CRIM1: variants seen among roughly 807,000 people sequenced by gnomAD.
The protein encoded by CRIM1 is cysteine rich transmembrane BMP regulator 1.
Under a neutral mutation model 116.4 loss-of-function variants are expected in CRIM1, and 32 were observed. The observed-to-expected ratio is 0.27, with a 90% CI of 0.21 to 0.37. The LOEUF (loss-of-function observed/expected upper bound fraction) is 0.37. CRIM1 is among the 10% of genes least tolerant of loss of function. The pLI, the probability that CRIM1 is intolerant of heterozygous loss-of-function variation, is 1.00. For synonymous variants in CRIM1, 590 were observed against 509.2 expected, an observed-to-expected ratio of 1.16 and a Z score of -2.13; for missense variants, 1,331 against 1,354.8, an observed-to-expected ratio of 0.98 and a Z score of 0.28.
intron 1 of CRIM1, among the ~76,000 whole-genome samples, chr2:36,369,918 G>A (rs1203419320): frequency 2.6e-5 from 4 of 152,154 alleles, no homozygotes; most frequent in Non-Finnish European, 5.9e-5. Flanking sequence ...AGTTGCTGAG[G>A]GCACAACACA....
Position 36,538,081 on chromosome 2 carries a change from C to G in CRIM1, c.2623+535C>G, listed in dbSNP as rs560242339. 7.2e-5 allele frequency among the ~76,000 whole-genome samples: 11 copies of G among 152,332 alleles called. 1 individual carries two copies. The South Asian group carries it at 2.3e-3, about 32-fold the overall frequency. On this transcript the variant is annotated intron_variant, in intron 14 of 16. Transcript: ENST00000280527. ...GCTGAACTGCCCATCTCTTTCCACA[C>G]TTAACGCAACCACTGAGTGTACCCC... is the stretch of plus-strand genomic sequence containing the variant.
At chr2:36,410,128 G>T (rs2148412607) in intron 2 of CRIM1, among the ~76,000 whole-genome samples, 1 of 152,268 alleles carries the variant, frequency 6.6e-6, no homozygotes, top group East Asian at 1.9e-4. Context: ...GAAAAGGGAA[G>T]GAATTAACAT....
At chr2:36,418,811 G>A (rs1232706701) in intron 2 of CRIM1, among the ~76,000 whole-genome samples, 1 of 152,160 alleles carries the variant, frequency 6.6e-6, no homozygotes, top group Non-Finnish European at 1.5e-5. Context: ...CTGTCCTGAG[G>A]TCTCCATGGA....
At chr2:36,416,802 C>G (rs1673654719) in intron 2 of CRIM1, among the ~76,000 whole-genome samples, 1 of 152,208 alleles carries the variant, frequency 6.6e-6, no homozygotes, top group African/African-American at 2.4e-5. Flanking sequence ...CTGACTGGCT[C>G]CAATTCTTCC....
intron 1 of CRIM1, among the ~76,000 whole-genome samples, chr2:36,394,430 T>C (rs573578530): frequency 6.6e-6 from 1 of 152,294 alleles, no homozygotes; most frequent in Non-Finnish European, 1.5e-5. Context: ...CATTTTGTTA[T>C]AACTGAAGAC....
intron 2 of CRIM1, among the ~76,000 whole-genome samples, chr2:36,398,502 CTT>C (rs1333818082): frequency 4.6e-5 from 7 of 152,208 alleles, no homozygotes; most frequent in Admixed American, 4.6e-4. Context: ...TGGAGATTAA[CTT>C]TATTGATTTT....
At chr2:36,548,439 C>T (rs1027396086) in intron 16 of CRIM1, 86 bp from the exon 17 acceptor site, 3 of 966,518 alleles carry the variant, frequency 3.1e-6, no homozygotes, top group Non-Finnish European at 4.6e-6. Flanking sequence ...GTTATCTCAC[C>T]TGAGTTAGGT....
In CRIM1 at chr2:36,477,112, TG is replaced by T. The variant is rs745471399; in HGVS notation, c.1174+43del. ...AATTACAGATTAACAGGAGCATACATGGTATAGAGTTCTAAAATCAAAATCG... is the reference window on the plus strand; with the variant it reads ...AATTACAGATTAACAGGAGCATACATGTATAGAGTTCTAAAATCAAAATCG... On this transcript the variant is annotated intron_variant, in intron 6 of 16. Transcript: ENST00000280527. 5.5e-6 allele frequency: 8 copies of T among 1,442,544 alleles called. No individual in the cohort carries two copies. The East Asian group carries it at 1.9e-4, about 35-fold the overall frequency. 89.4% of individuals were successfully genotyped at this position (1,442,544 alleles called of 1,614,324 possible). A position where few individuals can be genotyped will look rare whatever the true frequency, so the allele number is the denominator to read the frequency against.
At chr2:36,397,285 C>T (rs533618750) in intron 2 of CRIM1, among the ~76,000 whole-genome samples, 34 of 152,180 alleles carry the variant, frequency 2.2e-4, no homozygotes, top group Non-Finnish European at 3.7e-4. Flanking sequence ...TTAGGCTCTT[C>T]ACCTCTGGAG....
chr2:36,494,328 A>C (rs1364890338), intron 7 of CRIM1, among the ~76,000 whole-genome samples: 2 of 152,184 alleles, frequency 1.3e-5, no homozygotes, highest in Non-Finnish European at 2.9e-5. Flanking sequence ...ATTTGTAAAA[A>C]ATACTAACAT....
chr2:36,502,970 C>A (rs1410364150), intron 8 of CRIM1, among the ~76,000 whole-genome samples: 1 of 152,148 alleles, frequency 6.6e-6, no homozygotes, highest in East Asian at 1.9e-4. Context: ...GCTCACTGCC[C>A]CACTGTATAC....
At chr2:36,456,649 G>A (rs539680449) in intron 4 of CRIM1, among the ~76,000 whole-genome samples, 2 of 152,286 alleles carry the variant, frequency 1.3e-5, no homozygotes, top group African/African-American at 4.8e-5. Context: ...GCCAGCTCTC[G>A]ATGTGTGATA....
intron 4 of CRIM1, among the ~76,000 whole-genome samples, chr2:36,457,775 A>G (rs1677258466): frequency 6.6e-6 from 1 of 151,462 alleles, no homozygotes; most frequent in African/African-American, 2.5e-5. Context: ...AAAAACTTAC[A>G]CATTCCTGGA....
At chr2:36,472,680 A>G (rs1254753577) in intron 5 of CRIM1, among the ~76,000 whole-genome samples, 3 of 152,200 alleles carry the variant, frequency 2.0e-5, no homozygotes, top group Non-Finnish European at 4.4e-5. Context: ...GCTGTGGTTG[A>G]TCAACTCAAC....
chr2:36,421,702 G>A (rs775882176), intron 2 of CRIM1, among the ~76,000 whole-genome samples: 5 of 152,162 alleles, frequency 3.3e-5, no homozygotes, highest in Non-Finnish European at 5.9e-5. Flanking sequence ...CCAGAAGATG[G>A]CCTCTTTTCA....
At chr2:36,467,443 C>T (rs1360315261) in intron 5 of CRIM1, among the ~76,000 whole-genome samples, 1 of 152,114 alleles carries the variant, frequency 6.6e-6, no homozygotes, top group East Asian at 1.9e-4. Context: ...AATATACTTA[C>T]CACCTAGTGT....
At position 36,463,949 on chromosome 2, in the gene CRIM1, C is replaced by T. The variant is rs143582772; in HGVS notation, c.870-585C>T. ...ATAAAGAGCTCCTCAGTCTTCAGTC[C>T]GTTTCTTTTATTGTGCACAGTCATA... On this transcript the variant is annotated intron_variant, in intron 4 of 16. Transcript: ENST00000280527. Among the ~76,000 whole-genome samples the T allele has an allele frequency of 5.7e-3, 867 of 152,262 alleles. 6 individuals are homozygous for T. Among genetic ancestry groups the T allele is most frequent in the Non-Finnish European group, 0.01 (691 of 68,028 alleles).
rs374839318 is a variant in CRIM1 at position 36,550,066 on chromosome 2, T to TGTGTGTGTGTGTGTGTGC, written c.*1366_*1367insTGTGTGTGTGTGTGTGCG. On this transcript the variant is annotated 3_prime_UTR_variant, in exon 17 of 17. Transcript: ENST00000280527. Reference sequence around the variant, plus strand: ...ATGTGTGTGTGTGTGTGTGTGTGTGTGCGCGCGCACGCACGCCTTGAGCAG... The same window carrying TGTGTGTGTGTGTGTGTGC: ...ATGTGTGTGTGTGTGTGTGTGTGTGTGTGTGTGTGTGTGTGTGCGCGCGCGCACGCACGCCTTGAGCAG... 1.3e-5 allele frequency: 2 copies of TGTGTGTGTGTGTGTGTGC among 149,678 alleles called. No homozygotes were observed. The highest frequency in any genetic ancestry group is 6.6e-5 in the Admixed American group (1 of 15,072). The allele number at this position is 149,678 out of a possible 1,614,324, so 9.3% of individuals were successfully genotyped here.
intron 1 of CRIM1, among the ~76,000 whole-genome samples, chr2:36,363,544 G>T (rs946575558): frequency 1.3e-5 from 1 of 76,428 alleles, no homozygotes; most frequent in Non-Finnish European, 3.6e-5. Flanking sequence ...CCCCCCCCAT[G>T]ACTATCTTTT....
Sources: allele counts gnomAD v4.1 joint callset (sites outside exome capture counted in the v4.1 genomes callset), GRCh38; gene constraint gnomAD v4.1.1; transcripts MANE v1.5; gene names NCBI Gene and HGNC (gene_info 2026-07-23, HGNC 2026-07-21).